VCL: variants seen among roughly 807,000 people sequenced by gnomAD.
The protein encoded by VCL is vinculin, also known as epididymis luminal protein 114.
VCL carries 47 observed loss-of-function variants against 125.7 expected under a neutral mutation model. The observed-to-expected ratio is 0.37, with a 90% CI of 0.30 to 0.48. The LOEUF (loss-of-function observed/expected upper bound fraction) is 0.48, where lower values mean the gene tolerates loss of function less well. VCL is among the 20% of genes least tolerant of loss of function. The pLI is 0.99. For missense variants in VCL, 1,069 were observed against 1,455.5 expected (o/e 0.73, Z 4.32); for synonymous variants, 458 against 514.6 (o/e 0.89, Z 1.49).
Position 74,083,427 on chromosome 10 carries a change from CTG to C in VCL, c.939_940del (p.Ala314ArgfsTer19). On this transcript the variant is annotated frameshift_variant, in exon 8 of 22. Coordinates refer to ENST00000211998, the MANE Select transcript of VCL (RefSeq NM_014000.3). LOFTEE classifies it high-confidence loss of function. ...LDEAGKVGEL[C>X]AGKERREILG... The stretch of plus-strand genomic sequence containing the variant: ...ATGAAGCTGGAAAAGTTGGTGAACT[CTG>C]TGCAGGCAAAGAACGCAGGGAGATT... 6.2e-7 allele frequency: 1 copy of C among 1,614,138 alleles called. No homozygotes were observed. The highest frequency in any genetic ancestry group is 8.5e-7 in the Non-Finnish European group (1 of 1,180,010).
intron 1 of VCL, among the ~76,000 whole-genome samples, chr10:74,019,972 A>C (rs1023917084): frequency 6.6e-6 from 1 of 151,916 alleles, no homozygotes; most frequent in Non-Finnish European, 1.5e-5. Context: ...CTGAGGCTGG[A>C]GAATTGCTTG....
At chr10:74,101,251 T>G (rs552643008) in intron 14 of VCL, among the ~76,000 whole-genome samples, 154 bp downstream of exon 14, 1 of 150,962 alleles carries the variant, frequency 6.6e-6, no homozygotes, top group Non-Finnish European at 1.5e-5. Context: ...TTTGGGAGGG[T>G]GAGGCGGGAG....
Position 74,107,449 on chromosome 10 carries a change from G to A in VCL, c.2559+95G>A, listed in dbSNP as rs893475236. The stretch of plus-strand genomic sequence containing the variant: ...TGTGTTTTAGAGCCTCCATCACTAG[G>A]TGGCTTCGTTTAGCTTTCATTTGAA... On this transcript the variant is annotated intron_variant, in intron 17 of 21. Transcript: ENST00000211998. 1.0e-5 allele frequency: 16 copies of A among 1,597,152 alleles called. No homozygotes were observed. The African/African-American group carries it at 1.3e-4, about 13-fold the overall frequency.
chr10:74,108,660 A>G (rs563645002), intron 17 of VCL, among the ~76,000 whole-genome samples: 5 of 152,102 alleles, frequency 3.3e-5, no homozygotes, highest in African/African-American at 1.2e-4. Context: ...TTGTGTTTTT[A>G]GTAGAGATGG....
At chr10:74,047,509 T>C (rs1841214004) in intron 2 of VCL, among the ~76,000 whole-genome samples, 1 of 152,196 alleles carries the variant, frequency 6.6e-6, no homozygotes, top group African/African-American at 2.4e-5. Flanking sequence ...TTTAGAAATT[T>C]CTAGGGCATG....
At chr10:74,116,011 A>C (rs1840305714) in intron 21 of VCL, among the ~76,000 whole-genome samples, 1 of 152,152 alleles carries the variant, frequency 6.6e-6, no homozygotes, top group African/African-American at 2.4e-5. Context: ...CATGGGGTAC[A>C]TAGTTTTGTT....
At chr10:74,011,524 C>A (rs1174596712) in intron 1 of VCL, among the ~76,000 whole-genome samples, 1 of 152,114 alleles carries the variant, frequency 6.6e-6, no homozygotes, top group Non-Finnish European at 1.5e-5. Context: ...TTACCATAGT[C>A]CCCTGCTCAT....
intron 1 of VCL, among the ~76,000 whole-genome samples, chr10:74,003,562 A>C (rs1840268055): frequency 6.6e-6 from 1 of 152,176 alleles, no homozygotes; most frequent in African/African-American, 2.4e-5. Flanking sequence ...ATGTGTTGTA[A>C]GTACTCCTTG....
At chr10:74,065,960 T>A (rs958358919) in intron 2 of VCL, among the ~76,000 whole-genome samples, 1 of 151,520 alleles carries the variant, frequency 6.6e-6, no homozygotes, top group Non-Finnish European at 1.5e-5. Flanking sequence ...TTCACAGCAC[T>A]ATTATTCATA....
At chr10:74,117,510 C>T (rs1228488786) in intron 21 of VCL, among the ~76,000 whole-genome samples, 1 of 152,144 alleles carries the variant, frequency 6.6e-6, no homozygotes, top group Non-Finnish European at 1.5e-5. Flanking sequence ...AAAAAATTAC[C>T]CAGATGTGGC....
At chr10:74,031,757 A>C (rs1365727864) in intron 1 of VCL, among the ~76,000 whole-genome samples, 2 of 152,058 alleles carry the variant, frequency 1.3e-5, no homozygotes, top group African/African-American at 2.4e-5. Flanking sequence ...TGTCTCTACA[A>C]AAAATACTAA....
downstream of VCL, chr10:74,120,464 GACC>G (rs1483732647): frequency 2.0e-5 from 3 of 152,190 alleles, no homozygotes; most frequent in Non-Finnish European, 2.9e-5. Context: ...TATCTGTGGA[GACC>G]ACCACTGTTC....
chr10:74,108,733 G>C (rs1840175481), intron 17 of VCL, among the ~76,000 whole-genome samples: 1 of 152,170 alleles, frequency 6.6e-6, no homozygotes, highest in Non-Finnish European at 1.5e-5. Context: ...ACCTGCCTTG[G>C]CCTCCCAAAG....
At chr10:74,092,867 C>T (rs767957932) in intron 10 of VCL, among the ~76,000 whole-genome samples, 6 of 152,160 alleles carry the variant, frequency 3.9e-5, no homozygotes, top group African/African-American at 7.2e-5. Context: ...TTTATCCACA[C>T]TGGACTTTGA....
At chr10:74,032,932 C>T (rs1009134355) in intron 1 of VCL, among the ~76,000 whole-genome samples, 1 of 151,974 alleles carries the variant, frequency 6.6e-6, no homozygotes, top group Admixed American at 6.6e-5. Flanking sequence ...GTAGCTGCTG[C>T]GAATGTTAAA....
At chr10:74,098,121 C>G (rs2131919416) in intron 13 of VCL, among the ~76,000 whole-genome samples, 1 of 152,316 alleles carries the variant, frequency 6.6e-6, no homozygotes, top group Non-Finnish European at 1.5e-5. Flanking sequence ...CCCCCTCATG[C>G]TACATCTGTA....
In VCL at chr10:74,060,719, C is replaced by G. The variant is rs576219957; in HGVS notation, c.240-9951C>G. On this transcript the variant is annotated intron_variant, in intron 2 of 21. Transcript: ENST00000211998. ...AGACTTGTGGTAGTCTTTTTATAATCTCTAAATGGATTTTCCTCTTCTTTG... is the reference window on the plus strand; with the variant it reads ...AGACTTGTGGTAGTCTTTTTATAATGTCTAAATGGATTTTCCTCTTCTTTG... 2.7e-5 allele frequency among the ~76,000 whole-genome samples: 4 copies of G among 150,486 alleles called. No homozygotes were observed. In the East Asian group the frequency reaches 7.8e-4, roughly 29 times the overall value.
intron 1 of VCL, among the ~76,000 whole-genome samples, chr10:74,032,259 A>T (rs1354293656): frequency 4.0e-5 from 6 of 150,630 alleles, no homozygotes; most frequent in Non-Finnish European, 8.9e-5. Flanking sequence ...AAAAAAAAAA[A>T]AGAAAAAGGA....
chr10:74,042,685 T>C (rs770538273), intron 1 of VCL, among the ~76,000 whole-genome samples: 8 of 152,202 alleles, frequency 5.3e-5, no homozygotes, highest in Non-Finnish European at 8.8e-5. Flanking sequence ...TTCCAATAAC[T>C]TCGTTTTTTT....
Sources: gnomAD v4.1 joint callset for allele counts (sites outside exome capture counted in the v4.1 genomes callset) on GRCh38, gnomAD v4.1.1 for gene constraint, MANE v1.5 for transcripts, NCBI Gene and HGNC (gene_info 2026-07-23, HGNC 2026-07-21) for gene names.